MSANTD1: variants seen among roughly 807,000 people sequenced by gnomAD.
The protein encoded by MSANTD1 is Myb/SANT DNA binding domain containing 1.
Under a neutral mutation model 24.2 loss-of-function variants are expected in MSANTD1, and 7 were observed. That is an observed-to-expected ratio of 0.29 (90% CI 0.16 to 0.54). MSANTD1 has a LOEUF of 0.54. Ranked by LOEUF, MSANTD1 falls within the 20% of genes least tolerant of loss-of-function variation. MSANTD1 has a pLI of 0.94. For synonymous variants in MSANTD1, 177 were observed against 181.1 expected, an observed-to-expected ratio of 0.98 and a Z score of 0.18; for missense variants, 384 against 408.2, an observed-to-expected ratio of 0.94 and a Z score of 0.51.
chr4:3,255,618 C>G lies in MSANTD1; in HGVS notation c.597-107C>G, dbSNP rs1346078225. Reference sequence around the variant, plus strand: ...AGTAAGTGACCTGACTCCCTGGGGCCTCAGTTTCCCCATTTGCCCAGTAGG... The same window carrying G: ...AGTAAGTGACCTGACTCCCTGGGGCGTCAGTTTCCCCATTTGCCCAGTAGG... On this transcript the variant is annotated intron_variant, in intron 2 of 2. Coordinates refer to ENST00000438480, the MANE Select transcript of MSANTD1 (RefSeq NM_001042690.2). 9 of 1,370,442 alleles carry G rather than the reference C, an allele frequency of 6.6e-6. No individual in the cohort carries two copies. In the East Asian group the frequency reaches 2.1e-4, roughly 31 times the overall value. 84.9% of individuals were successfully genotyped at this position (1,370,442 alleles called of 1,614,324 possible).
chr4:3,249,238 G>A lies in MSANTD1; in HGVS notation c.16G>A (p.Gly6Arg), dbSNP rs983963243. The A allele has an allele frequency of 2.7e-5, 39 of 1,425,540 alleles. No individual in the cohort carries two copies. The highest frequency in any genetic ancestry group is 1.4e-4 in the Admixed American group (5 of 34,602). 88.3% of individuals were successfully genotyped at this position (1,425,540 alleles called of 1,614,324 possible). A position where few individuals can be genotyped will look rare whatever the true frequency, so the allele number is the denominator to read the frequency against. ...CCTCCCGCCCATGGTGCGTGGGGCC[G>A]GGCCGGGGCCCTCGCTGAGCGCGCT... MVRGAGPGPSLSALSH... is the reference protein window; with the variant it reads MVRGARPGPSLSALSH... Residue 6 changes from glycine (G) to arginine (R), a missense_variant, in exon 1 of 3, where the codon GGG (glycine) becomes AGG (arginine). Transcript: ENST00000438480.
chr4:3,246,629 G>A (rs116651640), upstream of MSANTD1: 5 of 695,286 alleles, frequency 7.2e-6, no homozygotes, highest in Admixed American at 6.1e-5. Flanking sequence ...AGGAGACCCC[G>A]TAGCGACTGA....
At chr4:3,248,944 C>T (rs1019079756), upstream of MSANTD1, 13 of 346,670 alleles carry the variant, frequency 3.7e-5, no homozygotes, top group African/African-American at 8.5e-5. Context: ...TCCGCCTGGG[C>T]GGCGGTGAGA....
At chr4:3,249,629 G>C in intron 1 of MSANTD1, 87 bp downstream of exon 1, 2 of 1,324,328 alleles carry the variant, frequency 1.5e-6, no homozygotes, top group Non-Finnish European at 2.1e-6. Context: ...GCTCTGAGTC[G>C]GGACGATGTG....
chr4:3,254,852 G>A (rs567242220), intron 2 of MSANTD1, among the ~76,000 whole-genome samples: 41 of 152,322 alleles, frequency 2.7e-4, no homozygotes, highest in African/African-American at 7.2e-4. Flanking sequence ...CTAGGCCGCC[G>A]GGAGATAAGG....
At chr4:3,252,182 G>C (rs1221524319) in intron 1 of MSANTD1, among the ~76,000 whole-genome samples, 1 of 152,238 alleles carries the variant, frequency 6.6e-6, no homozygotes, top group Non-Finnish European at 1.5e-5. Flanking sequence ...GGCCTTAGGA[G>C]GTACTGGGTC....
upstream of MSANTD1, chr4:3,246,515 C>T: frequency 1.8e-6 from 1 of 545,958 alleles, no homozygotes; most frequent in Non-Finnish European, 3.3e-6. Flanking sequence ...CTGAGCCCAG[C>T]AGGGCCCCGC....
chr4:3,249,246 GC>G lies in MSANTD1; in HGVS notation c.27del (p.Ser10ArgfsTer2). 6.9e-7 allele frequency: 1 copy of G among 1,448,498 alleles called. No individual in the cohort carries two copies. The allele number at this position is 1,448,498 out of a possible 1,614,324, so 89.7% of individuals were successfully genotyped here. ...CCATGGTGCGTGGGGCCGGGCCGGG[GC>G]CCTCGCTGAGCGCGCTCTCTCACCC... MVRGAGPGPSLSALSHPTG... is the reference protein window; with the variant it reads MVRGAGPGXSLSALSHPTG... On this transcript the variant is annotated frameshift_variant, in exon 1 of 3. Transcript: ENST00000438480. LOFTEE classifies it high-confidence loss of function.
At chr4:3,246,780 G>C, upstream of MSANTD1, 1 of 619,530 alleles carries the variant, frequency 1.6e-6, no homozygotes, top group Admixed American at 2.5e-5. Flanking sequence ...CCTCACATTG[G>C]AGGTCAGTGT....
chr4:3,255,994 G>A lies in MSANTD1; in HGVS notation c.*29G>A, dbSNP rs776369433. The stretch of plus-strand genomic sequence containing the variant: ...AGCAGGCGGCGGCGGCGGCGGGGCC[G>A]GGCGGCTGGTGGTACTGCTCAGGCC... On this transcript the variant is annotated 3_prime_UTR_variant, in exon 3 of 3. Transcript: ENST00000438480. The A allele has an allele frequency of 4.0e-5, 59 of 1,482,342 alleles. No homozygotes were observed. The highest frequency in any genetic ancestry group is 8.4e-5 in the African/African-American group (6 of 71,112). 91.8% of individuals were successfully genotyped at this position (1,482,342 alleles called of 1,614,324 possible).
chr4:3,256,291 C>A lies in MSANTD1; in HGVS notation c.*326C>A. On this transcript the variant is annotated 3_prime_UTR_variant, in exon 3 of 3. Coordinates refer to ENST00000438480, the MANE Select transcript of MSANTD1 (RefSeq NM_001042690.2). The stretch of plus-strand genomic sequence containing the variant: ...TACTTGACGTGGCTTTGATATTAAA[C>A]GTATACTTTTTCATTCTTGCCTGGA... The A allele has an allele frequency of 4.8e-6, 1 of 209,226 alleles. No individual in the cohort carries two copies. The highest frequency in any genetic ancestry group is 9.5e-6 in the Non-Finnish European group (1 of 105,522). The allele number at this position is 209,226 out of a possible 1,614,324, so 13.0% of individuals were successfully genotyped here. A position where few individuals can be genotyped will look rare whatever the true frequency, so the allele number is the denominator to read the frequency against.
upstream of MSANTD1, among the ~76,000 whole-genome samples, chr4:3,247,078 G>A (rs1722052092): frequency 6.6e-6 from 1 of 152,190 alleles, no homozygotes; most frequent in African/African-American, 2.4e-5. Flanking sequence ...AGCCAGGACA[G>A]TAGGCCTGAC....
Position 3,255,774 on chromosome 4 carries a change from C to G in MSANTD1, c.646C>G (p.Gln216Glu). 1 of 1,546,976 alleles carries G rather than the reference C, an allele frequency of 6.5e-7. No individual in the cohort carries two copies. The highest frequency in any genetic ancestry group is 1.2e-5 in the South Asian group (1 of 83,922). The change falls in exon 3 of 3, where the codon CAG becomes GAG. Residue 216 changes from glutamine (Q) to glutamate (E), a missense_variant. By Grantham distance (29) the Gln-to-Glu change is conservative. Transcript: ENST00000438480. ...GCGCAAGGTGCAGAGCTGCCACCTG[C>G]AGAAGAAGCAGCTGCGGCTGCTGGA... is the stretch of plus-strand genomic sequence containing the variant. ...KKRKVQSCHL[Q>E]KKQLRLLEAM...
At chr4:3,253,669 G>A (rs778183678) in intron 2 of MSANTD1, among the ~76,000 whole-genome samples, 187 bp downstream of exon 2, 4 of 152,234 alleles carry the variant, frequency 2.6e-5, no homozygotes, top group Non-Finnish European at 5.9e-5. Context: ...CAGGCAGACC[G>A]AGTTTGTCTC....
intron 1 of MSANTD1, among the ~76,000 whole-genome samples, chr4:3,252,985 C>G (rs1377825854): frequency 6.6e-6 from 1 of 152,222 alleles, no homozygotes; most frequent in Non-Finnish European, 1.5e-5. Flanking sequence ...CGTGTGCTTC[C>G]TTTTTAACAT....
In MSANTD1 at chr4:3,249,173, T is replaced by TTTTGAGCGTGGAGCTGCC; in HGVS notation, c.-47_-30dup. 7.5e-7 allele frequency: 1 copy of TTTTGAGCGTGGAGCTGCC among 1,324,564 alleles called. No homozygotes were observed. The highest frequency in any genetic ancestry group is 9.6e-7 in the Non-Finnish European group (1 of 1,038,768). 82.1% of individuals were successfully genotyped at this position (1,324,564 alleles called of 1,614,324 possible). ...TCCTGCCTGTCAGATGTAGGCCCCA[T>TTTTGAGCGTGGAGCTGCC]TTTGAGCGTGGAGCTGCCTTCGAGC... On this transcript the variant is annotated 5_prime_UTR_variant, in exon 1 of 3. Transcript: ENST00000438480.
upstream of MSANTD1, chr4:3,248,632 A>C (rs1722110920): frequency 6.5e-6 from 1 of 152,706 alleles, no homozygotes. Flanking sequence ...GAGAAGCAAA[A>C]GGAGCCAAGG....
intron 2 of MSANTD1, among the ~76,000 whole-genome samples, chr4:3,254,848 C>T (rs557054054): frequency 5.3e-4 from 80 of 152,338 alleles, no homozygotes; most frequent in African/African-American, 1.6e-3. Context: ...ATTTCTAGGC[C>T]GCCGGGAGAT....
Position 3,255,793 on chromosome 4 carries a change from T to C in MSANTD1, c.665T>C (p.Leu222Pro), listed in dbSNP as rs1467461925. 2 of 1,546,994 alleles carry C rather than the reference T, an allele frequency of 1.3e-6. No homozygotes were observed. The highest frequency in any genetic ancestry group is 2.0e-5 in the Admixed American group (1 of 50,998). Residue 222 changes from leucine (L) to proline (P), a missense_variant, in exon 3 of 3, where the codon CTG (leucine) becomes CCG (proline). By Grantham distance (98) the Leu-to-Pro change is moderately conservative. Transcript: ENST00000438480. Reference sequence around the variant, plus strand: ...CACCTGCAGAAGAAGCAGCTGCGGCTGCTGGAGGCCATGGTGGAGGAGCAG... The same window carrying C: ...CACCTGCAGAAGAAGCAGCTGCGGCCGCTGGAGGCCATGGTGGAGGAGCAG... The part of the protein sequence containing the change: ...SCHLQKKQLR[L>P]LEAMVEEQRR...
Sources: allele counts gnomAD v4.1 joint callset (sites outside exome capture counted in the v4.1 genomes callset), GRCh38; gene constraint gnomAD v4.1.1; transcripts MANE v1.5; gene names NCBI Gene and HGNC (gene_info 2026-07-23, HGNC 2026-07-21).